The following FTSJ3 variants were observed in gnomAD, a reference collection of about 807,000 sequenced individuals.
FTSJ3 encodes pre-rRNA 2'-O-ribose RNA methyltransferase FTSJ3.
Under a neutral mutation model 111.5 loss-of-function variants are expected in FTSJ3, and 46 were observed. The ratio of observed to expected loss-of-function variants is 0.41; its 90% CI spans 0.33 to 0.53. FTSJ3 has a LOEUF of 0.53. Ranked by LOEUF, FTSJ3 falls within the 20% of genes least tolerant of loss-of-function variation. The probability of loss-of-function intolerance (pLI) is 0.19; values close to 1 mark genes in which losing one functional copy is unlikely to be tolerated. For missense variants in FTSJ3, 1,075 were observed against 1,063.8 expected (o/e 1.01, Z -0.15); for synonymous variants, 408 against 383.0 (o/e 1.07, Z -0.76).
rs1243552334 is a variant in FTSJ3 at position 63,820,856 on chromosome 17, T to A, written c.2055A>T (p.Ile685=). ...ASSKKAKRDL[I]DNSFNRYTFN... ...CCCTTTACCGGTTGAAGGAGTTATCTATGAGGTCTCTCTTGGCCTTTTTGG... is the reference window on the plus strand; with the variant it reads ...CCCTTTACCGGTTGAAGGAGTTATCAATGAGGTCTCTCTTGGCCTTTTTGG... The change falls in exon 18 of 21, where the codon ATA becomes ATT. Residue 685 remains isoleucine (I), a synonymous_variant. Coordinates refer to ENST00000427159, the MANE Select transcript of FTSJ3 (RefSeq NM_017647.4). 1 of 1,613,542 alleles carries A rather than the reference T, an allele frequency of 6.2e-7. No homozygotes were observed. Among genetic ancestry groups the A allele is most frequent in the South Asian group, 1.1e-5 (1 of 91,064 alleles).
In FTSJ3 at chr17:63,819,915, C is replaced by G; in HGVS notation, c.2431G>C (p.Val811Leu). The G allele has an allele frequency of 1.2e-6, 2 of 1,614,194 alleles. No individual in the cohort carries two copies. The highest frequency in any genetic ancestry group is 2.2e-5 in the East Asian group (1 of 44,878). ...CCTCTGACTCCAGCTGGCCGGCGCA[C>G]TTTGCGGCCCACACCTTTTTTGGCT... The part of the protein sequence containing the change: ...VVAKKGVGRK[V>L]RRPAGVRGHF... Residue 811 changes from valine to leucine, a missense_variant, in exon 21 of 21, where the codon GTG becomes CTG. This residue lies in a region of FTSJ3 where 867 missense variants were observed against 796.9 expected (regional missense o/e 1.09). Transcript: ENST00000427159.
chr17:63,823,671 C>T (rs1368250425), intron 13 of FTSJ3, 146 bp downstream of exon 13: 11 of 807,810 alleles, frequency 1.4e-5, no homozygotes, highest in Admixed American at 2.3e-5. Flanking sequence ...TCTTTGTGGC[C>T]TTATACTCAC....
At chr17:63,820,669 C>T (rs901917034) in intron 18 of FTSJ3, among the ~76,000 whole-genome samples, 170 bp downstream of exon 18, 2 of 152,142 alleles carry the variant, frequency 1.3e-5, no homozygotes, top group African/African-American at 4.8e-5. Context: ...ATCCCAGCTA[C>T]TCAGAAGGCT....
In FTSJ3 at chr17:63,820,852, T is replaced by C. The variant is rs771488349; in HGVS notation, c.2059A>G (p.Asn687Asp). The change falls in exon 18 of 21, where the codon AAC becomes GAC. Residue 687 changes from asparagine to aspartate, a missense_variant. Transcript: ENST00000427159. ...SKKAKRDLIDNSFNRYTFNED... is the reference protein window; with the variant it reads ...SKKAKRDLIDDSFNRYTFNED... Reference sequence around the variant, plus strand: ...TGGCCCCTTTACCGGTTGAAGGAGTTATCTATGAGGTCTCTCTTGGCCTTT... The same window carrying C: ...TGGCCCCTTTACCGGTTGAAGGAGTCATCTATGAGGTCTCTCTTGGCCTTT... The C allele has an allele frequency of 1.9e-6, 3 of 1,612,594 alleles. No homozygotes were observed. Among genetic ancestry groups the C allele is most frequent in the Non-Finnish European group, 2.5e-6 (3 of 1,178,796 alleles).
intron 5 of FTSJ3, chr17:63,825,854 C>A: frequency 1.6e-6 from 1 of 631,540 alleles, no homozygotes. Context: ...GATCTCTGCC[C>A]TTCTCCCAAT....
chr17:63,821,804 C>CTCCTCCTCT lies in FTSJ3; in HGVS notation c.1506_1514dup (p.Glu506_Glu508dup). 6.2e-7 allele frequency: 1 copy of CTCCTCCTCT among 1,614,158 alleles called. No individual in the cohort carries two copies. Reference sequence around the variant, plus strand: ...GTACCAGCAGTGGATTCTCCTCCTCCTCCTCCTCTTTATCATCTTGCACTT... The same window carrying CTCCTCCTCT: ...GTACCAGCAGTGGATTCTCCTCCTCCTCCTCCTCTTCCTCCTCTTTATCATCTTGCACTT... On this transcript the variant is annotated inframe_insertion, in exon 15 of 21. Coordinates refer to ENST00000427159, the MANE Select transcript of FTSJ3 (RefSeq NM_017647.4).
chr17:63,827,109 T>A lies in FTSJ3; in HGVS notation c.-84A>T. 3.3e-6 allele frequency: 2 copies of A among 610,254 alleles called. No individual in the cohort carries two copies. Among genetic ancestry groups the A allele is most frequent in the Non-Finnish European group, 5.8e-6 (2 of 345,248 alleles). 37.8% of individuals were successfully genotyped at this position (610,254 alleles called of 1,614,324 possible). ...ACCGCACAAGTATGCAGCTAACTAC[T>A]TCCGCTTCCGCTTGCGTCCCCTGCG... On this transcript the variant is annotated 5_prime_UTR_variant, in exon 1 of 21. It adds an upstream start codon to the 5' untranslated region. Transcript: ENST00000427159.
intron 10 of FTSJ3, 37 bp from the exon 11 acceptor site, chr17:63,824,448 C>G: frequency 6.2e-7 from 1 of 1,602,480 alleles, no homozygotes. Context: ...TTGCCATCTC[C>G]CTCTTTGTCC....
Position 63,826,028 on chromosome 17 carries a change from G to A in FTSJ3, c.300+28C>T, listed in dbSNP as rs181774735. The A allele has an allele frequency of 1.6e-4, 248 of 1,549,730 alleles. 1 individual carries two copies. In the African/African-American group the frequency reaches 3.0e-3, roughly 18 times the overall value. The stretch of plus-strand genomic sequence containing the variant: ...GGGATGTAGATGTTTCCGTATAAAG[G>A]GGGAAGGAAGAGAGAGACTCCTATT... On this transcript the variant is annotated intron_variant, in intron 5 of 20. Transcript: ENST00000427159.
chr17:63,821,520 G>A lies in FTSJ3; in HGVS notation c.1720C>T (p.Pro574Ser). 4.3e-6 allele frequency: 7 copies of A among 1,614,172 alleles called. No homozygotes were observed. The highest frequency in any genetic ancestry group is 5.9e-6 in the Non-Finnish European group (7 of 1,180,040). The change falls in exon 16 of 21, where the codon CCC becomes TCC. Residue 574 changes from proline to serine, a missense_variant. By Grantham distance (74) the Pro-to-Ser change is moderately conservative (BLOSUM62 -1). Coordinates refer to ENST00000427159, the MANE Select transcript of FTSJ3 (RefSeq NM_017647.4). ...QQQKQQLPQT[P>S]PSCLKTEIMS... ...ATCTCAGTCTTCAAACAGGAAGGGG[G>A]TGTCTGTGGCAGCTGCTGCTTCTGC...
intron 3 of FTSJ3, 78 bp downstream of exon 3, chr17:63,826,489 G>T: frequency 7.7e-7 from 1 of 1,306,442 alleles, no homozygotes; most frequent in African/African-American, 1.5e-5. Context: ...TTCCCCTCCC[G>T]CAGTGAAACT....
chr17:63,823,898 C>T lies in FTSJ3; in HGVS notation c.1209G>A (p.Leu403=), dbSNP rs141059832. The T allele has an allele frequency of 1.9e-6, 3 of 1,614,114 alleles. No individual in the cohort carries two copies. The highest frequency in any genetic ancestry group is 2.2e-5 in the South Asian group (2 of 91,092). Residue 403 remains leucine, a synonymous_variant, in exon 13 of 21, where the codon CTG becomes CTA. Transcript: ENST00000427159. ...TGGAAACCCCAGGCAGATCCATCTT[C>T]AGCTCCACACGCTCCCGCTGCTTTC... ...EQRKQRERVE[L]KMDLPGVSIA...
chr17:63,821,331 T>G (rs552960528), intron 16 of FTSJ3, 23 bp downstream of exon 16: 1 of 1,587,442 alleles, frequency 6.3e-7, no homozygotes, highest in East Asian at 2.2e-5. Flanking sequence ...TTTCCATCCC[T>G]TCTCTCAGCT....
In FTSJ3 at chr17:63,824,318, G is replaced by T. The variant is rs146340145; in HGVS notation, c.998+13C>A. 5.5e-3 allele frequency: 8,903 copies of T among 1,614,042 alleles called. 43 individuals carry two copies. The highest frequency in any genetic ancestry group is 6.8e-3 in the Non-Finnish European group (7,997 of 1,179,946). On this transcript the variant is annotated intron_variant, in intron 11 of 20. Transcript: ENST00000427159. ...ACCCAGTCCACACCTGCCTCGCTGCGTTCTCTCCTCACCTGATGTCCAGTG... is the reference window on the plus strand; with the variant it reads ...ACCCAGTCCACACCTGCCTCGCTGCTTTCTCTCCTCACCTGATGTCCAGTG...
At position 63,827,277 on chromosome 17, in the gene FTSJ3, G is replaced by A. The variant is rs2040118118; in HGVS notation, c.-252C>T. ...AACAGAGTTTCAATGAGGCAACACT[G>A]AGGAGGAGTTCTACTCCTTCCTCAT... On this transcript the variant is annotated 5_prime_UTR_variant, in exon 1 of 21. Transcript: ENST00000427159. The A allele has an allele frequency of 3.2e-6, 2 of 627,476 alleles. No individual in the cohort carries two copies. Among genetic ancestry groups the A allele is most frequent in the Non-Finnish European group, 5.6e-6 (2 of 357,828 alleles). 38.9% of individuals were successfully genotyped at this position (627,476 alleles called of 1,614,324 possible).
Position 63,820,409 on chromosome 17 carries a change from A to G in FTSJ3, c.2102T>C (p.Leu701Pro). 6.2e-7 allele frequency: 1 copy of G among 1,614,114 alleles called. No individual in the cohort carries two copies. Among genetic ancestry groups the G allele is most frequent in the Non-Finnish European group, 8.5e-7 (1 of 1,180,038 alleles). The change falls in exon 19 of 21, where the codon CTT becomes CCT. Residue 701 changes from leucine (L) to proline (P), a missense_variant. Around this residue, in one of 2 missense-constraint regions of FTSJ3, gnomAD observed 867 missense variants for 796.9 expected, o/e 1.09. Coordinates refer to ENST00000427159, the MANE Select transcript of FTSJ3 (RefSeq NM_017647.4). ...TTCCTCTTGCACAAACCACTCCGGA[A>G]GCTCCCCCTCATCCTCATTAAATGT... ...RYTFNEDEGE[L>P]PEWFVQEEKQ...
At chr17:63,826,450 A>G in intron 3 of FTSJ3, 117 bp downstream of exon 3, 1 of 1,171,256 alleles carries the variant, frequency 8.5e-7, no homozygotes, top group Non-Finnish European at 1.3e-6. Context: ...CAAGAAAGGA[A>G]ACGGCCCCCA....
At position 63,825,624 on chromosome 17, in the gene FTSJ3, C is replaced by T. The variant is rs368607320; in HGVS notation, c.312G>A (p.Lys104=). The part of the protein sequence containing the change: ...TTERCRQALR[K]ELKTWKVDVV... ...CATCAACCTTCCAGGTCTTCAGCTC[C>T]TTCCTCAGGGCCTAAAGAGAAGAAA... The change falls in exon 6 of 21, where the codon AAG becomes AAA. Residue 104 remains lysine, a synonymous_variant. Transcript: ENST00000427159. 6.2e-5 allele frequency: 100 copies of T among 1,613,824 alleles called. No homozygotes were observed. Among genetic ancestry groups the T allele is most frequent in the Non-Finnish European group, 3.9e-5 (46 of 1,179,886 alleles).
intron 19 of FTSJ3, 34 bp from the exon 20 acceptor site, chr17:63,820,207 A>AACCCCCC: frequency 3.2e-5 from 10 of 310,956 alleles, no homozygotes; most frequent in South Asian, 1.2e-4. Flanking sequence ...CCTCTTCCCC[A>AACCCCCC]TCCCCCCACC....
Sources: allele counts gnomAD v4.1 joint callset (sites outside exome capture counted in the v4.1 genomes callset), GRCh38; gene constraint gnomAD v4.1.1; regional missense constraint gnomAD v4.1.1; transcripts MANE v1.5; gene names NCBI Gene and HGNC (gene_info 2026-07-23, HGNC 2026-07-21).